Variants in LDLRAD4 observed in about 807,000 individuals in gnomAD.
The protein encoded by LDLRAD4 is low-density lipoprotein receptor class A domain-containing protein 4.
LDLRAD4 carries 5 observed loss-of-function variants against 17.0 expected under a neutral mutation model. The observed-to-expected ratio is 0.29, with a 90% CI of 0.15 to 0.62. LDLRAD4 has a LOEUF of 0.62. LDLRAD4 is among the 20% of genes least tolerant of loss of function. LDLRAD4 has a pLI of 0.84. For missense variants in LDLRAD4, 340 were observed against 424.7 expected, an observed-to-expected ratio of 0.80 and a Z score of 1.75; for synonymous variants, 168 against 171.8, an observed-to-expected ratio of 0.98 and a Z score of 0.17.
At chr18:13,504,349 G>C (rs548541552) in intron 3 of LDLRAD4, among the ~76,000 whole-genome samples, 1 of 152,304 alleles carries the variant, frequency 6.6e-6, no homozygotes, top group South Asian at 2.1e-4. Context: ...AAGTGTCCAC[G>C]GTCTGCAGAT....
chr18:13,283,328 A>G (rs1286617831), intron 1 of LDLRAD4, among the ~76,000 whole-genome samples: 7 of 152,200 alleles, frequency 4.6e-5, no homozygotes, highest in Non-Finnish European at 8.8e-5. Flanking sequence ...CCAAACTTTT[A>G]TGCTCTGCTT....
At chr18:13,564,988 A>G (rs1440379640) in intron 3 of LDLRAD4, 3 of 152,312 alleles carry the variant, frequency 2.0e-5, no homozygotes, top group African/African-American at 7.2e-5. Flanking sequence ...CATGCATGTC[A>G]ATTATGCTTA....
rs776770191 is a variant in LDLRAD4, at chr18:13,540,415, AT to A, written c.182-80694del. 1.3e-4 allele frequency among the ~76,000 whole-genome samples: 20 copies of A among 152,124 alleles called. No individual in the cohort carries two copies. The East Asian group carries it at 2.9e-3, about 22-fold the overall frequency. ...GGAAACAGGAAATGCTGGGACTCAT[AT>A]TTTTTTTCTGGAAGAAATGGGCATT... On this transcript the variant is annotated intron_variant, in intron 3 of 5. Coordinates refer to ENST00000359446, the Ensembl canonical transcript of LDLRAD4.
rs58917399 is a variant in LDLRAD4 at position 13,525,723 on chromosome 18, C to T, written c.181+87339C>T. On this transcript the variant is annotated intron_variant, in intron 3 of 5. Transcript: ENST00000359446. ...GGGAACCAGAACTCCCGCTTGCCTGCGCCTGGGTCCCAGGGAGAGTGGCAC... is the reference window on the plus strand; with the variant it reads ...GGGAACCAGAACTCCCGCTTGCCTGTGCCTGGGTCCCAGGGAGAGTGGCAC... Among the ~76,000 whole-genome samples, 1,266 of 152,338 alleles carry T rather than the reference C, an allele frequency of 8.3e-3. 18 individuals are homozygous for T. The highest frequency in any genetic ancestry group is 0.029 in the African/African-American group (1,217 of 41,578).
intron 1 of LDLRAD4, among the ~76,000 whole-genome samples, chr18:13,280,611 C>T (rs1434850810): frequency 1.3e-5 from 2 of 152,146 alleles, no homozygotes; most frequent in East Asian, 3.9e-4. Flanking sequence ...CACAAAGGCA[C>T]TGGGGTGTGG....
chr18:13,243,932 T>TATCC (rs560134157), intron 1 of LDLRAD4, among the ~76,000 whole-genome samples: 1 of 112,380 alleles, frequency 8.9e-6, no homozygotes, highest in East Asian at 3.2e-4. Flanking sequence ...CCCATTTCTC[T>TATCC]ATCCATCCAC....
rs189382988 is a variant in LDLRAD4, at chr18:13,343,550, C to T, written c.-382-43791C>T. Among the ~76,000 whole-genome samples, 1,494 of 152,120 alleles carry T rather than the reference C, an allele frequency of 9.8e-3. 13 individuals carry two copies. Among genetic ancestry groups the T allele is most frequent in the African/African-American group, 0.026 (1,063 of 41,484 alleles). On this transcript the variant is annotated intron_variant, in intron 1 of 5. Coordinates refer to ENST00000359446, the Ensembl canonical transcript of LDLRAD4. Reference sequence around the variant, plus strand: ...TAGTGCCACAATAAACATACGTGTGCGTGTGTCTTTATAGCAGCATGATTT... The same window carrying T: ...TAGTGCCACAATAAACATACGTGTGTGTGTGTCTTTATAGCAGCATGATTT...
chr18:13,445,552 ATG>A (rs1347866537), intron 3 of LDLRAD4, among the ~76,000 whole-genome samples: 1 of 88,186 alleles, frequency 1.1e-5, no homozygotes, highest in African/African-American at 2.7e-5. Flanking sequence ...GTACATGTCT[ATG>A]TGTGTGTTTG....
At chr18:13,617,225 G>A (rs1260240490) in intron 3 of LDLRAD4, among the ~76,000 whole-genome samples, 1 of 152,072 alleles carries the variant, frequency 6.6e-6, no homozygotes, top group Non-Finnish European at 1.5e-5. Flanking sequence ...GGCACGCCTG[G>A]CCTGGAGTTT....
chr18:13,457,853 G>A (rs754327714), intron 3 of LDLRAD4, among the ~76,000 whole-genome samples: 1 of 152,174 alleles, frequency 6.6e-6, no homozygotes, highest in Non-Finnish European at 1.5e-5. Flanking sequence ...CTTTGTGGTG[G>A]TAAGCTCCAT....
At chr18:13,646,072 T>C (rs1456157092) in exon 6 of LDLRAD4, 1 of 156,104 alleles carries the variant, frequency 6.4e-6, no homozygotes, top group Non-Finnish European at 1.4e-5. Context: ...TATATATTAT[T>C]GTGGGGAAGA....
At chr18:13,503,730 T>C (rs997565763) in intron 3 of LDLRAD4, among the ~76,000 whole-genome samples, 3 of 151,292 alleles carry the variant, frequency 2.0e-5, no homozygotes, top group African/African-American at 7.3e-5. Context: ...GCAGGCCTCA[T>C]AGGCTGTACA....
rs370263393 is a variant in LDLRAD4, at chr18:13,335,708, GA to G, written c.-382-51631del. 4.5e-4 allele frequency among the ~76,000 whole-genome samples: 69 copies of G among 152,322 alleles called. 2 individuals carry two copies. The East Asian group carries it at 0.012, about 26-fold the overall frequency. On this transcript the variant is annotated intron_variant, in intron 1 of 5. Transcript: ENST00000359446. Reference sequence around the variant, plus strand: ...TAGTCAGTGGTCTTTTTGCTTGAAGGAATGCCTGGCTGGGTATAAATTCTTG... The same window carrying G: ...TAGTCAGTGGTCTTTTTGCTTGAAGGATGCCTGGCTGGGTATAAATTCTTG...
chr18:13,448,661 G>A (rs1209693729), intron 3 of LDLRAD4, among the ~76,000 whole-genome samples: 1 of 152,050 alleles, frequency 6.6e-6, no homozygotes, highest in Admixed American at 6.5e-5. Context: ...GAGGCTGGGG[G>A]ACCACCGATA....
chr18:13,509,465 T>C (rs1568276134), intron 3 of LDLRAD4, among the ~76,000 whole-genome samples: 1 of 152,358 alleles, frequency 6.6e-6, no homozygotes, highest in East Asian at 1.9e-4. Context: ...AGCCTGAAGA[T>C]GTGACTGAAT....
At chr18:13,628,964 G>C (rs1327386034) in intron 4 of LDLRAD4, among the ~76,000 whole-genome samples, 1 of 152,200 alleles carries the variant, frequency 6.6e-6, no homozygotes, top group Non-Finnish European at 1.5e-5. Flanking sequence ...CTGCGTAGCT[G>C]TGACTATAGG....
At chr18:13,330,636 C>T (rs192166307) in intron 1 of LDLRAD4, among the ~76,000 whole-genome samples, 4 of 152,274 alleles carry the variant, frequency 2.6e-5, no homozygotes, top group South Asian at 2.1e-4. Context: ...GTTTGGTCTT[C>T]GACCCCTTTT....
intron 1 of LDLRAD4, among the ~76,000 whole-genome samples, chr18:13,301,261 C>T (rs1223383115): frequency 1.3e-5 from 2 of 151,154 alleles, no homozygotes; most frequent in East Asian, 2.0e-4. Context: ...TAAATGTATG[C>T]GAACCCAGAA....
intron 3 of LDLRAD4, among the ~76,000 whole-genome samples, chr18:13,530,434 TAGGG>T (rs1295120535): frequency 6.6e-6 from 1 of 152,200 alleles, no homozygotes; most frequent in Non-Finnish European, 1.5e-5. Flanking sequence ...AGGCTTTAGA[TAGGG>T]AGCAGCATGA....
Sources: allele counts gnomAD v4.1 joint callset (sites outside exome capture counted in the v4.1 genomes callset), GRCh38; gene constraint gnomAD v4.1.1; transcripts MANE v1.5; gene names NCBI Gene and HGNC (gene_info 2026-07-23, HGNC 2026-07-21).